LARP4: variants seen among roughly 807,000 people sequenced by gnomAD.
LARP4 encodes the protein la-related protein 4.
In LARP4, 29 loss-of-function variants were observed where a neutral mutation model predicts 92.9. The ratio of observed to expected loss-of-function variants is 0.31; its 90% CI spans 0.23 to 0.43. The LOEUF is 0.43. Among genes scored for constraint, LARP4 ranks in the 20% least tolerant of loss-of-function variants. The pLI, the probability that LARP4 is intolerant of heterozygous loss-of-function variation, is 1.00. For missense variants in LARP4, 732 were observed against 860.0 expected (o/e 0.85, Z 1.86); for synonymous variants, 279 against 284.1 (o/e 0.98, Z 0.18).
At chr12:50,428,475 A>C (rs1949152114) in intron 2 of LARP4, among the ~76,000 whole-genome samples, 1 of 152,214 alleles carries the variant, frequency 6.6e-6, no homozygotes, top group Admixed American at 6.5e-5. Flanking sequence ...CACTAATTTC[A>C]AGTAGTAGCC....
At chr12:50,470,514 A>C (rs777848509) in intron 13 of LARP4, among the ~76,000 whole-genome samples, 1 of 151,592 alleles carries the variant, frequency 6.6e-6, no homozygotes, top group Non-Finnish European at 1.5e-5. Flanking sequence ...GCTCACTGCA[A>C]CCTCCATCTC....
intron 8 of LARP4, among the ~76,000 whole-genome samples, chr12:50,452,531 C>T (rs1299047219): frequency 6.6e-6 from 1 of 152,182 alleles, no homozygotes; most frequent in African/African-American, 2.4e-5. Flanking sequence ...ACTGGCTATA[C>T]TAATTTACCT....
At chr12:50,407,223 A>T (rs1308207305) in intron 1 of LARP4, among the ~76,000 whole-genome samples, 1 of 150,762 alleles carries the variant, frequency 6.6e-6, no homozygotes, top group East Asian at 2.0e-4. Flanking sequence ...ACGGAGTTTC[A>T]CCATATTGGT....
chr12:50,444,263 T>A lies in LARP4; in HGVS notation c.804+2620T>A, dbSNP rs761961304. ...TTCTTGGTGTCTTACTGATTTTTTT[T>A]AATGTTTTAATGTCTACAGATAATC... On this transcript the variant is annotated intron_variant, in intron 8 of 15. Transcript: ENST00000398473. Among the ~76,000 whole-genome samples the A allele has an allele frequency of 5.3e-5, 8 of 150,132 alleles. No individual in the cohort carries two copies. In the Middle Eastern group the frequency reaches 0.017, roughly 328 times the overall value.
chr12:50,458,847 C>T (rs528237508), intron 10 of LARP4, among the ~76,000 whole-genome samples: 2 of 152,324 alleles, frequency 1.3e-5, no homozygotes, highest in Admixed American at 6.5e-5. Flanking sequence ...TTGTTAAAAG[C>T]AGATTGGTTG....
chr12:50,427,044 GATTACCTTAAATGGCACTATT>G (rs1232618332), intron 1 of LARP4, among the ~76,000 whole-genome samples: 6 of 151,980 alleles, frequency 3.9e-5, no homozygotes, highest in Non-Finnish European at 8.8e-5. Context: ...TGCCTCAAGA[GATTACCTTAAATGGCACTATT>G]TAAAGTAGTT....
intron 3 of LARP4, among the ~76,000 whole-genome samples, chr12:50,429,628 T>G (rs1429905344): frequency 1.3e-5 from 2 of 152,028 alleles, no homozygotes; most frequent in African/African-American, 2.4e-5. Context: ...CAATTGGTGT[T>G]TTTTTGTTGT....
At chr12:50,446,818 T>C (rs1442724784) in intron 8 of LARP4, among the ~76,000 whole-genome samples, 1 of 152,162 alleles carries the variant, frequency 6.6e-6, no homozygotes, top group Non-Finnish European at 1.5e-5. Flanking sequence ...ATGTATGACA[T>C]TACTTAGGTA....
intron 8 of LARP4, among the ~76,000 whole-genome samples, chr12:50,442,781 A>T (rs1245662822): frequency 6.6e-6 from 1 of 152,234 alleles, no homozygotes; most frequent in Non-Finnish European, 1.5e-5. Context: ...TAACCTACCT[A>T]GTTTCACATA....
chr12:50,421,776 A>G (rs1380069061), intron 1 of LARP4, among the ~76,000 whole-genome samples: 1 of 152,164 alleles, frequency 6.6e-6, no homozygotes, highest in Non-Finnish European at 1.5e-5. Context: ...ATGCTTAGGT[A>G]CTTCTTGCAA....
chr12:50,401,186 T>G, intron 1 of LARP4, 158 bp downstream of exon 1: 1 of 776,556 alleles, frequency 1.3e-6, no homozygotes, highest in Non-Finnish European at 2.2e-6. Context: ...GCAGCTTCCC[T>G]CTGCGCGCTC....
At position 50,475,579 on chromosome 12, in the gene LARP4, A is replaced by G. The variant is rs1235501302; in HGVS notation, c.1890A>G (p.Pro630=). The G allele has an allele frequency of 6.2e-7, 1 of 1,614,100 alleles. No homozygotes were observed. The highest frequency in any genetic ancestry group is 8.5e-7 in the Non-Finnish European group (1 of 1,179,994). The change falls in exon 16 of 16, where the codon CCA becomes CCG. Residue 630 remains proline (P), a synonymous_variant. Transcript: ENST00000398473. ...AEVCQKPPKE[P]SSVLVQPLRE... ...TGTGCCAGAAGCCCCCTAAAGAGCCATCTTCAGTTCTTGTGCAGCCACTAC... is the reference window on the plus strand; with the variant it reads ...TGTGCCAGAAGCCCCCTAAAGAGCCGTCTTCAGTTCTTGTGCAGCCACTAC...
At chr12:50,424,500 A>G (rs1172320432) in intron 1 of LARP4, among the ~76,000 whole-genome samples, 3 of 151,852 alleles carry the variant, frequency 2.0e-5, no homozygotes, top group Non-Finnish European at 4.4e-5. Context: ...CTGGGATTAC[A>G]GGCATGTACC....
rs114366249 is a variant in LARP4, at chr12:50,461,108, G to A, written c.1122-27G>A. Reference sequence around the variant, plus strand: ...TTTTTCTGTCTCGATTTACTGCTTTGTGTATATCATTTTGTATTTCCTATA... The same window carrying A: ...TTTTTCTGTCTCGATTTACTGCTTTATGTATATCATTTTGTATTTCCTATA... On this transcript the variant is annotated intron_variant, in intron 10 of 15. Transcript: ENST00000398473. The A allele has an allele frequency of 3.1e-3, 4,840 of 1,565,302 alleles. 112 individuals carry two copies. In the African/African-American group the frequency reaches 0.044, roughly 14 times the overall value.
intron 1 of LARP4, among the ~76,000 whole-genome samples, chr12:50,415,204 C>CAA (rs1358394349): frequency 6.6e-6 from 1 of 151,794 alleles, no homozygotes; most frequent in African/African-American, 2.4e-5. Flanking sequence ...AGATCTGTCT[C>CAA]AAAAAAATAA....
At chr12:50,466,886 C>T in intron 12 of LARP4, 73 bp from the exon 13 acceptor site, 2 of 1,414,872 alleles carry the variant, frequency 1.4e-6, no homozygotes, top group Non-Finnish European at 1.9e-6. Flanking sequence ...TTTCTTGCAC[C>T]TTTCAGCTTC....
At chr12:50,422,642 T>G (rs1947995412) in intron 1 of LARP4, among the ~76,000 whole-genome samples, 1 of 151,982 alleles carries the variant, frequency 6.6e-6, no homozygotes, top group South Asian at 2.1e-4. Context: ...ATTTCCTGTA[T>G]TCCTCATCTG....
At chr12:50,457,769 G>A (rs915567891) in intron 10 of LARP4, among the ~76,000 whole-genome samples, 2 of 148,538 alleles carry the variant, frequency 1.3e-5, no homozygotes, top group African/African-American at 4.9e-5. Flanking sequence ...AGCTGAGATC[G>A]CACCACCTCG....
chr12:50,428,120 C>T (rs1432150223), intron 2 of LARP4, among the ~76,000 whole-genome samples: 1 of 151,812 alleles, frequency 6.6e-6, no homozygotes, highest in African/African-American at 2.4e-5. Flanking sequence ...CTCAGCCTCC[C>T]GGGTGGCTGG....
Sources: gnomAD v4.1 joint callset for allele counts (sites outside exome capture counted in the v4.1 genomes callset) on GRCh38, gnomAD v4.1.1 for gene constraint, MANE v1.5 for transcripts, NCBI Gene and HGNC (gene_info 2026-07-23, HGNC 2026-07-21) for gene names.